The following EPC2 variants were observed in gnomAD, a reference collection of about 807,000 sequenced individuals.
EPC2 encodes enhancer of polycomb 2, also known as enhancer of polycomb homolog 2.
EPC2 carries 14 observed loss-of-function variants against 92.1 expected under a neutral mutation model. The ratio of observed to expected loss-of-function variants is 0.15; its 90% CI spans 0.10 to 0.24. The LOEUF (loss-of-function observed/expected upper bound fraction) is 0.24. Among genes scored for constraint, EPC2 ranks in the 10% least tolerant of loss-of-function variants. The pLI, the probability that EPC2 is intolerant of heterozygous loss-of-function variation, is 1.00. For synonymous variants in EPC2, 340 were observed against 334.7 expected (o/e 1.02, Z -0.17); for missense variants, 755 against 971.5 (o/e 0.78, Z 2.96).
At chr2:148,739,815 T>TTC (rs1682841530) in intron 2 of EPC2, among the ~76,000 whole-genome samples, 2 of 145,430 alleles carry the variant, frequency 1.4e-5, no homozygotes, top group South Asian at 2.2e-4. Context: ...TCTTTCTTCC[T>TTC]TTTCTTTTCT....
At chr2:148,690,877 G>A (rs1346203420) in intron 2 of EPC2, among the ~76,000 whole-genome samples, 1 of 151,978 alleles carries the variant, frequency 6.6e-6, no homozygotes, top group South Asian at 2.1e-4. Flanking sequence ...TGGCCAGGCC[G>A]GTCTCAAACT....
rs1441712620 is a variant in EPC2, at chr2:148,786,309, A to AACC, written c.2359_2361dup (p.His787dup). The AACC allele has an allele frequency of 6.2e-7, 1 of 1,611,248 alleles. No individual in the cohort carries two copies. Among genetic ancestry groups the AACC allele is most frequent in the African/African-American group, 1.3e-5 (1 of 75,020 alleles). On this transcript the variant is annotated inframe_insertion, in exon 14 of 14. Transcript: ENST00000258484. ...TCCTTTGCCTTATTACCATAGAGAG[A>AACC]ACCACGAACCAGAAAGATTGGGCTT...
In EPC2 at chr2:148,771,466, CCTA is replaced by C. The variant is rs1179914359; in HGVS notation, c.1720+82_1720+84del. The C allele has an allele frequency of 2.2e-6, 3 of 1,338,918 alleles. No individual in the cohort carries two copies. In the African/African-American group the frequency reaches 4.4e-5, roughly 20 times the overall value. 82.9% of individuals were successfully genotyped at this position (1,338,918 alleles called of 1,614,324 possible). A position where few individuals can be genotyped will look rare whatever the true frequency, so the allele number is the denominator to read the frequency against. The stretch of plus-strand genomic sequence containing the variant: ...TATTGGGAAAGGAATTTTATCTTAA[CCTA>C]CTTAATTTTTTTTCCAACCTAAGAA... On this transcript the variant is annotated intron_variant, in intron 10 of 13. Transcript: ENST00000258484.
intron 1 of EPC2, among the ~76,000 whole-genome samples, chr2:148,646,740 T>C (rs1279953679): frequency 1.3e-5 from 2 of 152,176 alleles, no homozygotes; most frequent in Non-Finnish European, 2.9e-5. Context: ...TTGTGGGTCT[T>C]GATCCAAAGA....
intron 1 of EPC2, among the ~76,000 whole-genome samples, chr2:148,664,244 A>C (rs567825178): frequency 1.3e-5 from 2 of 152,310 alleles, no homozygotes; most frequent in South Asian, 4.1e-4. Context: ...CACACCTGTA[A>C]TCCCAGCAGT....
At chr2:148,717,764 A>G (rs769966220) in intron 2 of EPC2, among the ~76,000 whole-genome samples, 3 of 151,844 alleles carry the variant, frequency 2.0e-5, no homozygotes, top group Admixed American at 6.6e-5. Flanking sequence ...TGTCAGGTCT[A>G]CTCTATCCAG....
chr2:148,709,772 G>T (rs1326357172), intron 2 of EPC2, among the ~76,000 whole-genome samples: 2 of 152,184 alleles, frequency 1.3e-5, no homozygotes, highest in East Asian at 1.9e-4. Flanking sequence ...AATAAATGGT[G>T]CTGGGAAAAC....
intron 1 of EPC2, among the ~76,000 whole-genome samples, chr2:148,650,476 G>A (rs551193910): frequency 6.6e-6 from 1 of 152,144 alleles, no homozygotes; most frequent in East Asian, 1.9e-4. Flanking sequence ...CTTGTTTTAA[G>A]TAACTCTCAT....
chr2:148,648,860 C>A (rs16829117), intron 1 of EPC2, among the ~76,000 whole-genome samples: 20,644 of 152,160 alleles, frequency 0.14, 2,355 homozygotes, highest in East Asian at 0.46. Flanking sequence ...GTAGCCTCTT[C>A]TTTTGGACAT....
intron 4 of EPC2, among the ~76,000 whole-genome samples, chr2:148,755,285 T>C (rs960705387): frequency 6.6e-6 from 1 of 152,170 alleles, no homozygotes; most frequent in Non-Finnish European, 1.5e-5. Context: ...TTGGCACTTT[T>C]CTAAGACTGA....
intron 2 of EPC2, among the ~76,000 whole-genome samples, chr2:148,717,798 C>G (rs1421181051): frequency 1.3e-5 from 2 of 152,046 alleles, no homozygotes; most frequent in African/African-American, 4.8e-5. Context: ...TCCTGAATAT[C>G]TTTTAATTGT....
At chr2:148,657,884 T>TTTTGTG (rs138151231) in intron 1 of EPC2, among the ~76,000 whole-genome samples, 1 of 149,626 alleles carries the variant, frequency 6.7e-6, no homozygotes, top group African/African-American at 2.4e-5. Context: ...ATCACTCATT[T>TTTTGTG]TGTGTGTGTG....
At position 148,772,707 on chromosome 2, in the gene EPC2, GTC is replaced by G. The variant is rs1683550666; in HGVS notation, c.1720+1322_1720+1323del. Among the ~76,000 whole-genome samples, 3 of 152,200 alleles carry G rather than the reference GTC, an allele frequency of 2.0e-5. No individual in the cohort carries two copies. In the South Asian group the frequency reaches 6.2e-4, roughly 32 times the overall value. On this transcript the variant is annotated intron_variant, in intron 10 of 13. Coordinates refer to ENST00000258484, the MANE Select transcript of EPC2 (RefSeq NM_015630.4). ...GCCTCCCATTATATAAAGTTCATGAGTCTGTGAAGTTGAAAGAGTGCTTGAAG... is the reference window on the plus strand; with the variant it reads ...GCCTCCCATTATATAAAGTTCATGAGTGTGAAGTTGAAAGAGTGCTTGAAG...
At chr2:148,671,538 T>TGGGAGGTGGGGGTTTCA (rs1681155149) in intron 1 of EPC2, among the ~76,000 whole-genome samples, 1 of 152,102 alleles carries the variant, frequency 6.6e-6, no homozygotes, top group African/African-American at 2.4e-5. Flanking sequence ...TGCCTGAACC[T>TGGGAGGTGGGGGTTTCA]GGGAGGTGGG....
At chr2:148,781,930 A>C (rs1423942390) in intron 11 of EPC2, 150 bp downstream of exon 11, 1 of 825,488 alleles carries the variant, frequency 1.2e-6, no homozygotes, top group Non-Finnish European at 1.9e-6. Context: ...TAATGTACGT[A>C]ATTTTAAGTG....
chr2:148,683,078 AT>A (rs936686288), intron 1 of EPC2, among the ~76,000 whole-genome samples: 71 of 147,104 alleles, frequency 4.8e-4, no homozygotes, highest in African/African-American at 4.2e-4. Flanking sequence ...AGGATCTTAA[AT>A]TTTTTTTTTT....
At chr2:148,771,802 ATTT>A (rs201766598) in intron 10 of EPC2, among the ~76,000 whole-genome samples, 1 of 144,876 alleles carries the variant, frequency 6.9e-6, no homozygotes, top group Admixed American at 6.9e-5. Flanking sequence ...CCTGTGAATA[ATTT>A]TTTTTTTTTT....
intron 1 of EPC2, among the ~76,000 whole-genome samples, chr2:148,654,500 A>G (rs1680749834): frequency 1.3e-5 from 2 of 152,202 alleles, no homozygotes; most frequent in Non-Finnish European, 2.9e-5. Context: ...TCTACAAAAA[A>G]TAAAAACATC....
intron 2 of EPC2, among the ~76,000 whole-genome samples, chr2:148,710,176 A>G (rs1025355031): frequency 6.6e-6 from 1 of 152,218 alleles, no homozygotes; most frequent in Non-Finnish European, 1.5e-5. Flanking sequence ...ACACCATCAA[A>G]AAGTGGGCAA....
Sources: allele counts gnomAD v4.1 joint callset (sites outside exome capture counted in the v4.1 genomes callset), GRCh38; gene constraint gnomAD v4.1.1; transcripts MANE v1.5; gene names NCBI Gene and HGNC (gene_info 2026-07-23, HGNC 2026-07-21).